The following ARID5A variants were observed in gnomAD, a reference collection of about 807,000 sequenced individuals.
ARID5A encodes AT-rich interaction domain 5A.
In ARID5A, 14 loss-of-function variants were observed where a neutral mutation model predicts 30.5. The ratio of observed to expected loss-of-function variants is 0.46; its 90% CI spans 0.30 to 0.72. The LOEUF is 0.72. Among genes scored for constraint, ARID5A ranks in the 30% least tolerant of loss-of-function variants. The pLI is 0.07. For missense variants in ARID5A, 669 were observed against 786.2 expected, an observed-to-expected ratio of 0.85 and a Z score of 1.78; for synonymous variants, 338 against 340.4, an observed-to-expected ratio of 0.99 and a Z score of 0.08.
Position 96,551,618 on chromosome 2 carries a change from T to C in ARID5A, c.1090T>C (p.Ser364Pro). 1.9e-6 allele frequency: 3 copies of C among 1,544,714 alleles called. No individual in the cohort carries two copies. Among genetic ancestry groups the C allele is most frequent in the Non-Finnish European group, 2.6e-6 (3 of 1,150,146 alleles). ...PVSQHPRDFF[S>P]RLKDGVLLGP... ...CAGCCAGCACCCCAGGGACTTCTTC[T>C]CTAGACTTAAAGATGGGGTGCTATT... The change falls in exon 7 of 7, where the codon TCT (serine) becomes CCT (proline). Residue 364 changes from serine to proline, a missense_variant. Ser to Pro is a moderately conservative substitution (Grantham distance 74). Transcript: ENST00000357485.
chr2:96,549,813 A>G lies in ARID5A; in HGVS notation c.312+8A>G, dbSNP rs370159455. On this transcript the variant is annotated splice_region_variant and intron_variant, in intron 4 of 6. Coordinates refer to ENST00000357485, the MANE Select transcript of ARID5A (RefSeq NM_212481.3). This position sits in a 1 kb window ranked among gnomAD's most constrained non-coding sequence, Gnocchi z 6.1. ...CTGGGGGCCTATGAGCTGGTAAGGA[A>G]GGCACCTCCCAGTCCTTGCCAAACT... 40 of 1,611,734 alleles carry G rather than the reference A, an allele frequency of 2.5e-5. 1 individual carries two copies. The South Asian group carries it at 4.2e-4, about 17-fold the overall frequency.
intron 1 of ARID5A, among the ~76,000 whole-genome samples, chr2:96,545,156 C>CTTTTTTTTTTTTTTTTTTT: frequency 8.6e-6 from 1 of 116,338 alleles, no homozygotes; most frequent in Non-Finnish European, 1.8e-5. Flanking sequence ...TTTTCTTTTT[C>CTTTTTTTTTTTTTTTTTTT]TTTTTTTTTT....
In ARID5A at chr2:96,545,493, T is replaced by TG. The variant is rs2104684726; in HGVS notation, c.5-1908dup. ...TTGAGGTGGAATCTACTGGCGAAGATGCTGTGAACATTGTCAAAATGACAA... is the reference window on the plus strand; with the variant it reads ...TTGAGGTGGAATCTACTGGCGAAGATGGCTGTGAACATTGTCAAAATGACAA... On this transcript the variant is annotated intron_variant, in intron 1 of 6. Coordinates refer to ENST00000357485, the MANE Select transcript of ARID5A (RefSeq NM_212481.3). Among the ~76,000 whole-genome samples, 2 of 152,308 alleles carry TG rather than the reference T, an allele frequency of 1.3e-5. 1 individual carries two copies. Among genetic ancestry groups the TG allele is most frequent in the South Asian group, 4.1e-4 (2 of 4,826 alleles).
At position 96,550,193 on chromosome 2, in the gene ARID5A, C is replaced by A; in HGVS notation, c.318C>A (p.Thr106=). ...CTCACGAGGTGCCCTTGCAGGTGAC[C>A]GGGCGCCGCCTCTGGAAGAACGTGT... The part of the protein sequence containing the change: ...VEKLGAYELV[T]GRRLWKNVYD... Residue 106 remains threonine (T), a synonymous_variant, in exon 5 of 7, where the codon ACC becomes ACA. Transcript: ENST00000357485. This position sits in a 1 kb window ranked among gnomAD's most constrained non-coding sequence, Gnocchi z 6.6. The A allele has an allele frequency of 6.5e-7, 1 of 1,534,410 alleles. No homozygotes were observed. The highest frequency in any genetic ancestry group is 2.0e-5 in the Admixed American group (1 of 49,920).
rs1233938038 is a variant in ARID5A at position 96,552,632 on chromosome 2, C to T, written c.*319C>T. Reference sequence around the variant, plus strand: ...CCAATAAAAAGACACCAGTGTGAATCCACGTAGCCCTGAGGTGTGTGTGGT... The same window carrying T: ...CCAATAAAAAGACACCAGTGTGAATTCACGTAGCCCTGAGGTGTGTGTGGT... On this transcript the variant is annotated 3_prime_UTR_variant, in exon 7 of 7. Transcript: ENST00000357485. 1 of 1,381,892 alleles carries T rather than the reference C, an allele frequency of 7.2e-7. No individual in the cohort carries two copies. Among genetic ancestry groups the T allele is most frequent in the African/African-American group, 1.4e-5 (1 of 69,224 alleles). The allele number at this position is 1,381,892 out of a possible 1,614,324, so 85.6% of individuals were successfully genotyped here.
chr2:96,552,007 G>A lies in ARID5A; in HGVS notation c.1479G>A (p.Gly493=), dbSNP rs2066058781. The A allele has an allele frequency of 2.6e-6, 4 of 1,523,330 alleles. No individual in the cohort carries two copies. The highest frequency in any genetic ancestry group is 3.5e-6 in the Non-Finnish European group (4 of 1,136,470). The allele number at this position is 1,523,330 out of a possible 1,614,324, so 94.4% of individuals were successfully genotyped here. Residue 493 remains glycine (G), a synonymous_variant, in exon 7 of 7, where the codon GGG becomes GGA. Coordinates refer to ENST00000357485, the MANE Select transcript of ARID5A (RefSeq NM_212481.3). ...CCTGCCTTCTGGGCCCAGCCCTGGGGCCTGTGCCCCCAGAGGCCTACAGGG... is the reference window on the plus strand; with the variant it reads ...CCTGCCTTCTGGGCCCAGCCCTGGGACCTGTGCCCCCAGAGGCCTACAGGG... ...LVSCLLGPAL[G]PVPPEAYRGT... is the part of the protein sequence containing the mutation.
rs1042699753 is a variant in ARID5A, at chr2:96,550,991, G to A, written c.571-108G>A. 4.5e-6 allele frequency: 6 copies of A among 1,344,516 alleles called. No individual in the cohort carries two copies. The highest frequency in any genetic ancestry group is 2.2e-5 in the Admixed American group (1 of 45,426). 83.3% of individuals were successfully genotyped at this position (1,344,516 alleles called of 1,614,324 possible). On this transcript the variant is annotated intron_variant, in intron 6 of 6. Transcript: ENST00000357485. The surrounding 1 kb of genome is among the most constrained non-coding windows in gnomAD (Gnocchi z 6.6). ...TTTGGAAAATTCTGTACAGAGGACT[G>A]CAGGGGCTGGCGGGGGACCTGGGCA...
chr2:96,547,154 CT>C (rs1204775421), intron 1 of ARID5A, among the ~76,000 whole-genome samples: 335 of 142,600 alleles, frequency 2.3e-3, no homozygotes, highest in Non-Finnish European at 2.1e-3. Flanking sequence ...CTGGCCAATT[CT>C]TTTTTTTTTT....
At position 96,550,377 on chromosome 2, in the gene ARID5A, G is replaced by C; in HGVS notation, c.410+92G>C. The stretch of plus-strand genomic sequence containing the variant: ...GAGGGCCGGGTGGACTCTGCCCGGA[G>C]CGGGCAGGGTATGCGCCGTCCTCAG... On this transcript the variant is annotated intron_variant, in intron 5 of 6. Coordinates refer to ENST00000357485, the MANE Select transcript of ARID5A (RefSeq NM_212481.3). This position sits in a 1 kb window ranked among gnomAD's most constrained non-coding sequence, Gnocchi z 6.6. The C allele has an allele frequency of 2.8e-6, 4 of 1,427,258 alleles. No homozygotes were observed. In the South Asian group the frequency reaches 6.0e-5, roughly 21 times the overall value. The allele number at this position is 1,427,258 out of a possible 1,614,324, so 88.4% of individuals were successfully genotyped here. A position where few individuals can be genotyped will look rare whatever the true frequency, so the allele number is the denominator to read the frequency against.
At position 96,547,461 on chromosome 2, in the gene ARID5A, G is replaced by A. The variant is rs757817720; in HGVS notation, c.64G>A (p.Ala22Thr). 6 of 1,613,874 alleles carry A rather than the reference G, an allele frequency of 3.7e-6. No individual in the cohort carries two copies. In the East Asian group the frequency reaches 8.9e-5, roughly 24 times the overall value. Residue 22 changes from alanine (A) to threonine (T), a missense_variant, in exon 2 of 7, where the codon GCA (alanine) becomes ACA (threonine). Around this residue, in one of 4 missense-constraint regions of ARID5A, gnomAD observed 56 missense variants for 72.8 expected, o/e 0.77. Coordinates refer to ENST00000357485, the MANE Select transcript of ARID5A (RefSeq NM_212481.3). ...STEGDALDPP[A>T]SPKPAGKQNG... ...GGAGGGTGACGCCCTAGACCCACCT[G>A]CATCCCCCAAACCTGCTGGCAAGCA...
In ARID5A at chr2:96,552,491, G is replaced by C. The variant is rs755851103; in HGVS notation, c.*178G>C. On this transcript the variant is annotated 3_prime_UTR_variant, in exon 7 of 7. Transcript: ENST00000357485. Reference sequence around the variant, plus strand: ...GTGGGAAAACTGGGTTTATCTCAAGGCAGCAGCCTGAGCCCAGGAGCAGAG... The same window carrying C: ...GTGGGAAAACTGGGTTTATCTCAAGCCAGCAGCCTGAGCCCAGGAGCAGAG... 3 of 1,536,124 alleles carry C rather than the reference G, an allele frequency of 2.0e-6. No homozygotes were observed. The South Asian group carries it at 3.6e-5, about 18-fold the overall frequency.
At chr2:96,547,801 A>G (rs1291111461) in intron 2 of ARID5A, among the ~76,000 whole-genome samples, 1 of 152,246 alleles carries the variant, frequency 6.6e-6, no homozygotes, top group African/African-American at 2.4e-5. Flanking sequence ...ATTCACATCC[A>G]TTCATTCAGA....
rs371277839 is a variant in ARID5A at position 96,537,203 on chromosome 2, C to G, written c.4+373C>G. 4 of 192,486 alleles carry G rather than the reference C, an allele frequency of 2.1e-5. No individual in the cohort carries two copies. In the East Asian group the frequency reaches 3.3e-4, roughly 16 times the overall value. The allele number at this position is 192,486 out of a possible 1,614,324, so 11.9% of individuals were successfully genotyped here. ...CCACTTCCTGCTGCGGTTTCCACCT[C>G]GAGCTGGGCTCAGCTAATTTGTTGT... On this transcript the variant is annotated intron_variant, in intron 1 of 6. Coordinates refer to ENST00000357485, the MANE Select transcript of ARID5A (RefSeq NM_212481.3). This position sits in a 1 kb window ranked among gnomAD's most constrained non-coding sequence, Gnocchi z 4.8.
chr2:96,547,577 T>C lies in ARID5A; in HGVS notation c.120+60T>C, dbSNP rs775514721. 7.3e-6 allele frequency: 11 copies of C among 1,508,498 alleles called. No homozygotes were observed. In the Admixed American group the frequency reaches 8.7e-5, roughly 12 times the overall value. The allele number at this position is 1,508,498 out of a possible 1,614,324, so 93.4% of individuals were successfully genotyped here. ...TCTTCCCTGCCACCCTCACCTGTGC[T>C]CCGCCTCCAGGTGAACCTGGACACT... On this transcript the variant is annotated intron_variant, in intron 2 of 6. Coordinates refer to ENST00000357485, the MANE Select transcript of ARID5A (RefSeq NM_212481.3).
rs1426522444 is a variant in ARID5A, at chr2:96,549,625, T to A, written c.260-128T>A. The A allele has an allele frequency of 2.7e-5, 40 of 1,508,468 alleles. No homozygotes were observed. Among genetic ancestry groups the A allele is most frequent in the Non-Finnish European group, 3.6e-5 (39 of 1,088,876 alleles). 93.4% of individuals were successfully genotyped at this position (1,508,468 alleles called of 1,614,324 possible). A position where few individuals can be genotyped will look rare whatever the true frequency, so the allele number is the denominator to read the frequency against. On this transcript the variant is annotated intron_variant, in intron 3 of 6. Transcript: ENST00000357485. This position sits in a 1 kb window ranked among gnomAD's most constrained non-coding sequence, Gnocchi z 6.1. Reference sequence around the variant, plus strand: ...GGGTGCACAGGGCACAGCCTGCCCGTCTATTGCAGTGGCCCTGGCTGGGTG... The same window carrying A: ...GGGTGCACAGGGCACAGCCTGCCCGACTATTGCAGTGGCCCTGGCTGGGTG...
In ARID5A at chr2:96,551,706, CTAACCGCCCTTCTGCGTTCCA is replaced by C; in HGVS notation, c.1182_1202del (p.Asn394_His400del). 1 of 1,519,960 alleles carries C rather than the reference CTAACCGCCCTTCTGCGTTCCA, an allele frequency of 6.6e-7. No individual in the cohort carries two copies. The allele number at this position is 1,519,960 out of a possible 1,614,324, so 94.2% of individuals were successfully genotyped here. On this transcript the variant is annotated inframe_deletion, in exon 7 of 7. Coordinates refer to ENST00000357485, the MANE Select transcript of ARID5A (RefSeq NM_212481.3). ...CCCCAGCTGGTGTGGGGCGGAGACG[CTAACCGCCCTTCTGCGTTCCA>C]TAAAGGTGGCTCCAGAAAGGGCATC...
chr2:96,545,061 C>G (rs893805020), intron 1 of ARID5A, among the ~76,000 whole-genome samples: 1 of 151,858 alleles, frequency 6.6e-6, no homozygotes, highest in Non-Finnish European at 1.5e-5. Context: ...CATGATCAAA[C>G]TTGAGTGGAT....
At chr2:96,538,613 G>A (rs2065787455) in intron 1 of ARID5A, among the ~76,000 whole-genome samples, 1 of 152,214 alleles carries the variant, frequency 6.6e-6, no homozygotes, top group Non-Finnish European at 1.5e-5. Flanking sequence ...GCAAGCTCGC[G>A]TAGACTCGGC....
At position 96,549,485 on chromosome 2, in the gene ARID5A, A is replaced by ATCCCTGGGGTCCCT; in HGVS notation, c.259+26_259+27insTCCCTGGGGTCCCT. 8 of 1,605,142 alleles carry ATCCCTGGGGTCCCT rather than the reference A, an allele frequency of 5.0e-6. No individual in the cohort carries two copies. Among genetic ancestry groups the ATCCCTGGGGTCCCT allele is most frequent in the Non-Finnish European group, 6.0e-6 (7 of 1,174,778 alleles). On this transcript the variant is annotated intron_variant, in intron 3 of 6. Transcript: ENST00000357485. The surrounding 1 kb of genome is among the most constrained non-coding windows in gnomAD (Gnocchi z 6.1). ...GTGCGTCCCTGGGGTGCAGGCAGGG[A>ATCCCTGGGGTCCCT]GGGGGGCCCAGCAGGGGACCCCGCC... is the stretch of plus-strand genomic sequence containing the variant.
Sources: gnomAD v4.1 joint callset for allele counts (sites outside exome capture counted in the v4.1 genomes callset) on GRCh38, gnomAD v4.1.1 for gene constraint, gnomAD v4.1.1 regional missense constraint, Gnocchi (gnomAD v3.1) non-coding constraint, MANE v1.5 for transcripts, NCBI Gene and HGNC (gene_info 2026-07-23, HGNC 2026-07-21) for gene names.